FHAD1: variants seen among roughly 807,000 people sequenced by gnomAD.
FHAD1 encodes the protein forkhead-associated domain-containing protein 1.
Under a neutral mutation model 191.3 loss-of-function variants are expected in FHAD1, and 146 were observed. The observed-to-expected ratio is 0.76, with a 90% CI of 0.67 to 0.88. FHAD1 has a LOEUF of 0.88. Ranked by LOEUF, FHAD1 falls within the 40% of genes least tolerant of loss-of-function variation. The probability of loss-of-function intolerance (pLI) is 0.00; values close to 1 mark genes in which losing one functional copy is unlikely to be tolerated. For synonymous variants in FHAD1, 616 were observed against 672.3 expected (o/e 0.92, Z 1.29); for missense variants, 1,635 against 1,785.8 (o/e 0.92, Z 1.52).
chr1:15,294,501 C>A (rs1666265913), intron 4 of FHAD1, among the ~76,000 whole-genome samples: 1 of 152,192 alleles, frequency 6.6e-6, no homozygotes, highest in Non-Finnish European at 1.5e-5. Flanking sequence ...TCAAGCGATT[C>A]TCCTGCCTCA....
intron 32 of FHAD1, among the ~76,000 whole-genome samples, chr1:15,390,526 G>C (rs2103106236): frequency 6.6e-6 from 1 of 152,030 alleles, no homozygotes; most frequent in South Asian, 2.1e-4. Context: ...CGCCTTCTTT[G>C]ACTTCCTGGC....
At chr1:15,368,769 C>G (rs1697281267) in intron 25 of FHAD1, among the ~76,000 whole-genome samples, 1 of 152,184 alleles carries the variant, frequency 6.6e-6, no homozygotes, top group Admixed American at 6.5e-5. Context: ...TAGTGAAACC[C>G]TGTCTCTACT....
Position 15,305,673 on chromosome 1 carries a change from G to A in FHAD1, c.916-2940G>A, listed in dbSNP as rs898601547. 3.6e-4 allele frequency: 132 copies of A among 363,814 alleles called. 1 individual carries two copies. Among genetic ancestry groups the A allele is most frequent in the Middle Eastern group, 9.0e-4 (1 of 1,116 alleles). 22.5% of individuals were successfully genotyped at this position (363,814 alleles called of 1,614,324 possible). A position where few individuals can be genotyped will look rare whatever the true frequency, so the allele number is the denominator to read the frequency against. On this transcript the variant is annotated intron_variant, in intron 6 of 33. Coordinates refer to ENST00000688493, the MANE Select transcript of FHAD1 (RefSeq NM_001391957.1). ...GGCCAGTATTTCCTGTGCTGTTCTC[G>A]TTATAGTGAATAAGTCTCATGAGAT...
intron 20 of FHAD1, among the ~76,000 whole-genome samples, chr1:15,357,306 CAGAAT>C (rs1321825996): frequency 6.6e-6 from 1 of 152,168 alleles, no homozygotes; most frequent in Non-Finnish European, 1.5e-5. Context: ...AGGAGGGACT[CAGAAT>C]AGAATGTTGA....
At chr1:15,372,554 T>G (rs1311436301) in intron 26 of FHAD1, among the ~76,000 whole-genome samples, 1 of 152,182 alleles carries the variant, frequency 6.6e-6, no homozygotes, top group Non-Finnish European at 1.5e-5. Flanking sequence ...CTCCCTGATC[T>G]CACCCCAGTG....
At chr1:15,338,971 A>G (rs1218372157) in intron 14 of FHAD1, among the ~76,000 whole-genome samples, 1 of 152,120 alleles carries the variant, frequency 6.6e-6, no homozygotes, top group African/African-American at 2.4e-5. Flanking sequence ...CACCTCCAAA[A>G]AGAAAGTTGG....
At position 15,345,070 on chromosome 1, in the gene FHAD1, C is replaced by A. The variant is rs1375832834; in HGVS notation, c.2131-13C>A. 3.2e-6 allele frequency: 5 copies of A among 1,543,700 alleles called. No individual in the cohort carries two copies. The South Asian group carries it at 4.8e-5, about 15-fold the overall frequency. On this transcript the variant is annotated splice_polypyrimidine_tract_variant and intron_variant, in intron 16 of 33. Coordinates refer to ENST00000688493, the MANE Select transcript of FHAD1 (RefSeq NM_001391957.1). ...GTAACCATGTCTGTTAAACAATGGT[C>A]ATTGGTTTCCAGGCTTTGGAGGAGT...
chr1:15,381,487 C>T lies in FHAD1; in HGVS notation c.4022+36C>T, dbSNP rs1419719039. On this transcript the variant is annotated intron_variant, in intron 30 of 33. Coordinates refer to ENST00000688493, the MANE Select transcript of FHAD1 (RefSeq NM_001391957.1). This position sits in a 1 kb window ranked among gnomAD's most constrained non-coding sequence, Gnocchi z 4.6. ...ACCCCCATGTCCCCACAGAAAGGCC[C>T]GGGCCTCCCTTCTCCTGGCTAAACT... 3.3e-6 allele frequency: 5 copies of T among 1,497,526 alleles called. No individual in the cohort carries two copies. The highest frequency in any genetic ancestry group is 2.0e-5 in the Admixed American group (1 of 50,808). The allele number at this position is 1,497,526 out of a possible 1,614,324, so 92.8% of individuals were successfully genotyped here. A position where few individuals can be genotyped will look rare whatever the true frequency, so the allele number is the denominator to read the frequency against.
chr1:15,294,083 G>A (rs1437633263), intron 4 of FHAD1, among the ~76,000 whole-genome samples: 2 of 152,314 alleles, frequency 1.3e-5, no homozygotes, highest in East Asian at 3.9e-4. Context: ...TCTTCCTGTA[G>A]TGAGGAGTTC....
At chr1:15,270,201 A>ACGCCTGGCCTCC (rs1209676354) in intron 2 of FHAD1, among the ~76,000 whole-genome samples, 46 of 152,188 alleles carry the variant, frequency 3.0e-4, no homozygotes, top group East Asian at 1.7e-3. Flanking sequence ...ATGAGCCACC[A>ACGCCTGGCCTCC]CACCTGGCCT....
At chr1:15,275,825 T>A (rs1345123348) in intron 3 of FHAD1, among the ~76,000 whole-genome samples, 4 of 152,126 alleles carry the variant, frequency 2.6e-5, no homozygotes, top group Non-Finnish European at 5.9e-5. Flanking sequence ...GGGGGCTGTG[T>A]CTTCCCCGCG....
intron 2 of FHAD1, among the ~76,000 whole-genome samples, chr1:15,260,318 A>G (rs1388531594): frequency 6.6e-6 from 1 of 152,222 alleles, no homozygotes; most frequent in Non-Finnish European, 1.5e-5. Flanking sequence ...CTGAATTACC[A>G]TGAAGTGCTT....
chr1:15,318,133 C>T lies in FHAD1; in HGVS notation c.1365+205C>T, dbSNP rs1675069800. Among the ~76,000 whole-genome samples the T allele has an allele frequency of 6.6e-6, 1 of 152,162 alleles. No homozygotes were observed. The highest frequency in any genetic ancestry group is 2.1e-4 in the South Asian group (1 of 4,822). ...CCCAGGTTGGTCTGACTCCAAGGCC[C>T]CTGTGAGTAACCCCACTACTCCTCA... On this transcript the variant is annotated intron_variant, in intron 10 of 33. Transcript: ENST00000688493. This position sits in a 1 kb window ranked among gnomAD's most constrained non-coding sequence, Gnocchi z 4.1.
At chr1:15,255,944 AG>A (rs200681497) in intron 2 of FHAD1, among the ~76,000 whole-genome samples, 2,516 of 150,772 alleles carry the variant, frequency 0.017, 72 homozygotes, top group African/African-American at 0.056. Context: ...AGCAAGTGGA[AG>A]GCCTGCCTGT....
rs371127848 is a variant in FHAD1 at position 15,310,488 on chromosome 1, T to C, written c.1039+1752T>C. Among the ~76,000 whole-genome samples, 47 of 152,256 alleles carry C rather than the reference T, an allele frequency of 3.1e-4. No individual in the cohort carries two copies. In the South Asian group the frequency reaches 9.3e-3, roughly 30 times the overall value. On this transcript the variant is annotated intron_variant, in intron 7 of 33. Coordinates refer to ENST00000688493, the MANE Select transcript of FHAD1 (RefSeq NM_001391957.1). The stretch of plus-strand genomic sequence containing the variant: ...ACACCCCATCCACGCTACAAGCCTG[T>C]CTCAGACACCACTCCTCTAATCAAG...
chr1:15,322,647 G>A (rs1676688176), intron 10 of FHAD1, among the ~76,000 whole-genome samples: 1 of 152,240 alleles, frequency 6.6e-6, no homozygotes, highest in South Asian at 2.1e-4. Flanking sequence ...GATGTGGCCA[G>A]TGTCCACCCT....
At chr1:15,295,321 A>G (rs1408823558) in intron 4 of FHAD1, among the ~76,000 whole-genome samples, 2 of 152,118 alleles carry the variant, frequency 1.3e-5, no homozygotes, top group Non-Finnish European at 2.9e-5. Context: ...TTTAAGAAGT[A>G]TTTTTGGCCA....
Position 15,397,397 on chromosome 1 carries a change from C to A in FHAD1, c.4424C>A (p.Pro1475His). 1 of 1,533,168 alleles carries A rather than the reference C, an allele frequency of 6.5e-7. No individual in the cohort carries two copies. Among genetic ancestry groups the A allele is most frequent in the Non-Finnish European group, 8.8e-7 (1 of 1,134,584 alleles). The allele number at this position is 1,533,168 out of a possible 1,614,324, so 95.0% of individuals were successfully genotyped here. Residue 1475 changes from proline to histidine, a missense_variant, in exon 34 of 34, where the codon CCC becomes CAC. Pro to His is a moderately conservative substitution (Grantham distance 77). Coordinates refer to ENST00000688493, the MANE Select transcript of FHAD1 (RefSeq NM_001391957.1). ...AGCCAGAGCCTTTTGCATTCTAAGC[C>A]CAGTGGAAAGTACTAGAGAAACCTC... ...KSSQSLLHSKPSGKY is the reference protein window; with the variant it reads ...KSSQSLLHSKHSGKY
chr1:15,361,781 C>A (rs563015146), intron 22 of FHAD1, among the ~76,000 whole-genome samples: 1 of 150,990 alleles, frequency 6.6e-6, no homozygotes, highest in African/African-American at 2.4e-5. Context: ...CCGAGGCCGG[C>A]GGATCACTAG....
Sources: allele counts gnomAD v4.1 joint callset (sites outside exome capture counted in the v4.1 genomes callset), GRCh38; gene constraint gnomAD v4.1.1; non-coding constraint Gnocchi (gnomAD v3.1); transcripts MANE v1.5; gene names NCBI Gene and HGNC (gene_info 2026-07-23, HGNC 2026-07-21).